Variants in ARHGAP42 observed in about 807,000 individuals in gnomAD.
ARHGAP42 encodes the protein rho GTPase-activating protein 42.
In ARHGAP42, 63 loss-of-function variants were observed where a neutral mutation model predicts 125.0. The ratio of observed to expected loss-of-function variants is 0.50; its 90% confidence interval spans 0.41 to 0.62. The LOEUF is 0.62. Among genes scored for constraint, ARHGAP42 ranks in the 20% least tolerant of loss-of-function variants. The pLI is 0.00. For synonymous variants in ARHGAP42, 339 were observed against 351.0 expected (o/e 0.97, Z 0.38); for missense variants, 766 against 1,024.2 (o/e 0.75, Z 3.44).
intron 3 of ARHGAP42, among the ~76,000 whole-genome samples, chr11:100,831,646 G>A (rs1864665689): frequency 6.6e-6 from 1 of 152,150 alleles, no homozygotes. Context: ...TCTTGCTGGG[G>A]GTTGCTTGTG....
chr11:100,911,870 G>A (rs1354191938), intron 4 of ARHGAP42, among the ~76,000 whole-genome samples: 2 of 152,024 alleles, frequency 1.3e-5, no homozygotes, highest in Non-Finnish European at 2.9e-5. Context: ...TTTCTCCTTA[G>A]GTAATAAGAA....
intron 3 of ARHGAP42, among the ~76,000 whole-genome samples, chr11:100,824,088 G>A (rs1028942971): frequency 2.6e-5 from 4 of 152,158 alleles, no homozygotes; most frequent in Non-Finnish European, 4.4e-5. Flanking sequence ...AATTAAGACA[G>A]TGTTTGTGCT....
At chr11:100,806,829 G>GTTTA (rs1307072666) in intron 3 of ARHGAP42, among the ~76,000 whole-genome samples, 3 of 115,464 alleles carry the variant, frequency 2.6e-5, no homozygotes, top group Non-Finnish European at 3.7e-5. Flanking sequence ...TTATTTGTTT[G>GTTTA]TTTGTTTGTT....
At chr11:100,903,117 G>GCGCACACACACACACACA (rs373508179) in intron 4 of ARHGAP42, among the ~76,000 whole-genome samples, 3,826 of 131,926 alleles carry the variant, frequency 0.029, 134 homozygotes, top group East Asian at 0.063. Flanking sequence ...TCCAAGATGC[G>GCGCACACACACACACACA]CACACACACA....
Position 100,992,389 on chromosome 11 carries a change from T to C in ARHGAP42, c.*3588T>C. ...AAAAAGAACACAGGCTTGACTATTG[T>C]CCAGAAGTTACTTTCCCCTTGACTA... On this transcript the variant is annotated 3_prime_UTR_variant, in exon 24 of 24. Transcript: ENST00000298815. The C allele has an allele frequency of 1.2e-6, 2 of 1,614,068 alleles. No individual in the cohort carries two copies. Among genetic ancestry groups the C allele is most frequent in the Non-Finnish European group, 1.7e-6 (2 of 1,179,950 alleles).
rs897001160 is a variant in ARHGAP42 at position 100,950,030 on chromosome 11, A to G, written c.1162+74A>G. On this transcript the variant is annotated intron_variant, in intron 12 of 23. Transcript: ENST00000298815. ...AACACAAAAGCATTAGGTGATTGTA[A>G]GTATTCTGGGGAAATAGTATAACAC... 21 of 923,844 alleles carry G rather than the reference A, an allele frequency of 2.3e-5. No individual in the cohort carries two copies. The African/African-American group carries it at 3.5e-4, about 15-fold the overall frequency. 57.2% of individuals were successfully genotyped at this position (923,844 alleles called of 1,614,324 possible).
At chr11:100,922,592 T>C (rs902258501) in intron 6 of ARHGAP42, among the ~76,000 whole-genome samples, 4 of 152,142 alleles carry the variant, frequency 2.6e-5, no homozygotes, top group African/African-American at 9.7e-5. Context: ...TGTAAGTCCT[T>C]TAAAAAATCC....
chr11:100,795,482 G>A (rs1485300675), intron 3 of ARHGAP42, among the ~76,000 whole-genome samples: 1 of 152,128 alleles, frequency 6.6e-6, no homozygotes, highest in Admixed American at 6.5e-5. Context: ...ACATTTAGAG[G>A]TTATAACAAC....
At chr11:100,737,993 C>T (rs1031355262) in intron 1 of ARHGAP42, among the ~76,000 whole-genome samples, 1 of 152,128 alleles carries the variant, frequency 6.6e-6, no homozygotes, top group African/African-American at 2.4e-5. Context: ...GTATTAGAAT[C>T]CTTACGTTTT....
In ARHGAP42 at chr11:100,769,159, T is replaced by C. The variant is rs141518629; in HGVS notation, c.155-1184T>C. ...TACAGTAAAGATACAGTATAAAAGATTTTTAAAAAGATGCACCTGTGTAGG... is the reference window on the plus strand; with the variant it reads ...TACAGTAAAGATACAGTATAAAAGACTTTTAAAAAGATGCACCTGTGTAGG... On this transcript the variant is annotated intron_variant, in intron 1 of 23. Coordinates refer to ENST00000298815, the MANE Select transcript of ARHGAP42 (RefSeq NM_152432.4). Among the ~76,000 whole-genome samples, 653 of 152,266 alleles carry C rather than the reference T, an allele frequency of 4.3e-3. 3 individuals are homozygous for C. Among genetic ancestry groups the C allele is most frequent in the African/African-American group, 0.015 (624 of 41,548 alleles).
chr11:100,903,709 A>AAAAAAAAATAT (rs1332890022), intron 4 of ARHGAP42, among the ~76,000 whole-genome samples: 6 of 63,498 alleles, frequency 9.4e-5, no homozygotes, highest in African/African-American at 4.1e-4. Context: ...TGTCCCTCAA[A>AAAAAAAAATAT]ATATATATAT....
chr11:100,701,047 T>G (rs1235245415), intron 1 of ARHGAP42, among the ~76,000 whole-genome samples: 1 of 152,232 alleles, frequency 6.6e-6, no homozygotes. Flanking sequence ...GTTGTGTTAG[T>G]TGGCATGAAA....
At chr11:100,953,417 CGTTT>C (rs891848134) in intron 12 of ARHGAP42, among the ~76,000 whole-genome samples, 2 of 152,094 alleles carry the variant, frequency 1.3e-5, no homozygotes, top group African/African-American at 4.8e-5. Flanking sequence ...CTTAGGTAAA[CGTTT>C]GTTTGAATGC....
In ARHGAP42 at chr11:100,749,482, C is replaced by T. The variant is rs571475571; in HGVS notation, c.155-20861C>T. 4.0e-4 allele frequency among the ~76,000 whole-genome samples: 60 copies of T among 151,866 alleles called. 1 individual carries two copies. The highest frequency in any genetic ancestry group is 1.3e-3 in the African/African-American group (52 of 41,492). On this transcript the variant is annotated intron_variant, in intron 1 of 23. Transcript: ENST00000298815. ...ACCCCTCAAACCAGGCATGTCTCGC[C>T]TGGCCTGCCCCGGAAGGCTCAACCC...
intron 3 of ARHGAP42, among the ~76,000 whole-genome samples, chr11:100,852,177 A>C (rs569039866): frequency 3.9e-4 from 60 of 152,114 alleles, no homozygotes; most frequent in African/African-American, 1.3e-3. Context: ...CCATTAATGC[A>C]CAACTACAAT....
Position 100,962,439 on chromosome 11 carries a change from G to C in ARHGAP42, c.1416G>C (p.Lys472Asn). The part of the protein sequence containing the change: ...RCLAEPLMTY[K>N]LHKDFIIAVK... ...TTGCAGAACCACTGATGACTTACAA[G>C]TTGCACAAAGATTTTATCATTGCTG... The change falls in exon 16 of 24, where the codon AAG becomes AAC. Residue 472 changes from lysine to asparagine, a missense_variant. Coordinates refer to ENST00000298815, the MANE Select transcript of ARHGAP42 (RefSeq NM_152432.4). The C allele has an allele frequency of 6.4e-7, 1 of 1,550,946 alleles. No individual in the cohort carries two copies. Among genetic ancestry groups the C allele is most frequent in the Non-Finnish European group, 8.7e-7 (1 of 1,146,520 alleles).
intron 12 of ARHGAP42, among the ~76,000 whole-genome samples, chr11:100,955,151 A>T (rs965741322): frequency 3.3e-5 from 5 of 152,142 alleles, no homozygotes; most frequent in Non-Finnish European, 7.4e-5. Flanking sequence ...GTTGAGATTA[A>T]TAGCTTTTGT....
intron 8 of ARHGAP42, among the ~76,000 whole-genome samples, chr11:100,941,552 C>A (rs1347925710): frequency 1.3e-5 from 2 of 151,938 alleles, no homozygotes. Context: ...AAGTAACTCA[C>A]AAGTTTTACA....
intron 2 of ARHGAP42, among the ~76,000 whole-genome samples, chr11:100,774,945 C>G (rs756833476): frequency 6.6e-6 from 1 of 152,020 alleles, no homozygotes; most frequent in African/African-American, 2.4e-5. Flanking sequence ...ATTCGTTGTT[C>G]GAGACCCAGT....
Sources: gnomAD v4.1 joint callset for allele counts (sites outside exome capture counted in the v4.1 genomes callset) on GRCh38, gnomAD v4.1.1 for gene constraint, MANE v1.5 for transcripts, NCBI Gene and HGNC (gene_info 2026-07-23, HGNC 2026-07-21) for gene names.